PNO1: variants seen among roughly 807,000 people sequenced by gnomAD.
PNO1 encodes RNA-binding protein PNO1.
In PNO1, 16 loss-of-function variants were observed where a neutral mutation model predicts 28.4. That is an observed-to-expected ratio of 0.56 (90% CI 0.38 to 0.85). PNO1 has a LOEUF of 0.85. Ranked by LOEUF, PNO1 falls within the 40% of genes least tolerant of loss-of-function variation. The pLI is 0.00. For synonymous variants in PNO1, 115 were observed against 110.8 expected (o/e 1.04, Z -0.24); for missense variants, 304 against 312.2 (o/e 0.97, Z 0.20).
At chr2:68,158,212 G>T in intron 1 of PNO1, 71 bp downstream of exon 1, 1 of 1,470,304 alleles carries the variant, frequency 6.8e-7, no homozygotes, top group South Asian at 1.3e-5. Flanking sequence ...GGCCTCTGGA[G>T]AATGTTGAAG....
chr2:68,162,908 C>T (rs910617789), intron 5 of PNO1, among the ~76,000 whole-genome samples: 4 of 152,172 alleles, frequency 2.6e-5, no homozygotes, highest in African/African-American at 9.7e-5. Context: ...ACACATTAGC[C>T]TGCAGTTGGG....
At chr2:68,162,005 A>G (rs999536156) in intron 3 of PNO1, among the ~76,000 whole-genome samples, 6 of 152,036 alleles carry the variant, frequency 3.9e-5, no homozygotes, top group African/African-American at 1.4e-4. Flanking sequence ...TGGGTGTGGT[A>G]GTGCATGCCT....
At chr2:68,163,336 A>G (rs1673885514) in intron 5 of PNO1, among the ~76,000 whole-genome samples, 1 of 152,136 alleles carries the variant, frequency 6.6e-6, no homozygotes, top group Admixed American at 6.6e-5. Flanking sequence ...GTTCGAGACC[A>G]GTCTGGCCAA....
intron 5 of PNO1, 87 bp downstream of exon 5, chr2:68,162,750 A>AT: frequency 1.2e-6 from 1 of 850,450 alleles, no homozygotes; most frequent in South Asian, 1.4e-5. Flanking sequence ...TATTTTATGC[A>AT]TAATGTTGCT....
In PNO1 at chr2:68,162,623, A is replaced by G. The variant is rs772178693; in HGVS notation, c.580A>G (p.Ile194Val). The G allele has an allele frequency of 6.8e-6, 11 of 1,613,374 alleles. No homozygotes were observed. The South Asian group carries it at 9.9e-5, about 14-fold the overall frequency. ...CAAAGGAGGAAAAACCAAATTCACC[A>G]TAGAGAATGTGACACGGACAAGGAT... ...AGKGGKTKFT[I>V]ENVTRTRIVL... is the part of the protein sequence containing the mutation. Residue 194 changes from isoleucine (I) to valine (V), a missense_variant, in exon 5 of 7, where the codon ATA (isoleucine) becomes GTA (valine). Transcript: ENST00000263657.
At chr2:68,158,184 G>C (rs752446782) in intron 1 of PNO1, 43 bp downstream of exon 1, 4 of 1,529,404 alleles carry the variant, frequency 2.6e-6, no homozygotes, top group Non-Finnish European at 3.5e-6. Flanking sequence ...GCAAGGGCCA[G>C]ACGCGGATCA....
At chr2:68,167,763 T>C (rs1203460663) in intron 5 of PNO1, among the ~76,000 whole-genome samples, 2 of 152,258 alleles carry the variant, frequency 1.3e-5, no homozygotes, top group African/African-American at 4.8e-5. Context: ...CTGCTTCTCC[T>C]GTTACCCTGA....
At chr2:68,165,362 T>A (rs1296876544) in intron 5 of PNO1, among the ~76,000 whole-genome samples, 3 of 33,872 alleles carry the variant, frequency 8.9e-5, no homozygotes, top group East Asian at 6.1e-4. Context: ...AGACTCCGTC[T>A]CAAAAAAAAA....
At chr2:68,165,808 T>G (rs1350207010) in intron 5 of PNO1, among the ~76,000 whole-genome samples, 1 of 152,252 alleles carries the variant, frequency 6.6e-6, no homozygotes, top group Non-Finnish European at 1.5e-5. Context: ...ATTTACTAGT[T>G]AAACCAACGT....
chr2:68,173,222 G>C (rs1028124384), intron 5 of PNO1, 125 bp from the exon 6 acceptor site: 4 of 640,440 alleles, frequency 6.2e-6, no homozygotes, highest in East Asian at 2.8e-5. Context: ...TCATTATGCT[G>C]TCCAGGCTTG....
At chr2:68,158,299 C>T (rs1673725651) in intron 1 of PNO1, 81 bp from the exon 2 acceptor site, 2 of 1,423,192 alleles carry the variant, frequency 1.4e-6, no homozygotes, top group Non-Finnish European at 1.9e-6. Flanking sequence ...TTAAAGGAGG[C>T]CCTTTGTGGA....
In PNO1 at chr2:68,173,422, T is replaced by C. The variant is rs377719736; in HGVS notation, c.691+5T>C. 7.2e-5 allele frequency: 113 copies of C among 1,560,432 alleles called. No individual in the cohort carries two copies. In the Admixed American group the frequency reaches 1.4e-3, roughly 19 times the overall value. ...CCATTTGCAACCTAATCTTGGGTAA[T>C]AGCAGTTTCTTTCTTTGGTGTTTTC... On this transcript the variant is annotated splice_donor_5th_base_variant and intron_variant, in intron 6 of 6. Coordinates refer to ENST00000263657, the MANE Select transcript of PNO1 (RefSeq NM_020143.4).
chr2:68,174,788 G>A lies in PNO1; in HGVS notation c.745G>A (p.Ala249Thr). Residue 249 changes from alanine to threonine, a missense_variant, in exon 7 of 7, where the codon GCA (alanine) becomes ACA (threonine). Physicochemically the swap from Ala to Thr is moderately conservative, Grantham distance 58. Coordinates refer to ENST00000263657, the MANE Select transcript of PNO1 (RefSeq NM_020143.4). ...GNIRAVASRS[A>T]DRF ...TATTCGAGCTGTGGCTAGCAGATCA[G>A]CAGATCGATTCTGATTTCAAGTCAG... 2 of 1,606,048 alleles carry A rather than the reference G, an allele frequency of 1.2e-6. No homozygotes were observed. Among genetic ancestry groups the A allele is most frequent in the South Asian group, 2.2e-5 (2 of 90,764 alleles).
At chr2:68,167,430 C>A (rs1340496341) in intron 5 of PNO1, among the ~76,000 whole-genome samples, 1 of 152,190 alleles carries the variant, frequency 6.6e-6, no homozygotes, top group East Asian at 1.9e-4. Flanking sequence ...TTGTGCAAGC[C>A]TTCTTGTACA....
At chr2:68,167,042 G>A (rs1674012926) in intron 5 of PNO1, among the ~76,000 whole-genome samples, 1 of 152,164 alleles carries the variant, frequency 6.6e-6, no homozygotes, top group Non-Finnish European at 1.5e-5. Flanking sequence ...TCTCCAGCAG[G>A]AATTTATAGC....
intron 2 of PNO1, 85 bp downstream of exon 2, chr2:68,158,614 G>T: frequency 1.7e-6 from 2 of 1,183,382 alleles, no homozygotes; most frequent in African/African-American, 1.6e-5. Flanking sequence ...TTACTTAATG[G>T]GACTTTTCTG....
At position 68,162,679 on chromosome 2, in the gene PNO1, T is replaced by C. The variant is rs751567768; in HGVS notation, c.620+16T>C. 5 of 1,387,530 alleles carry C rather than the reference T, an allele frequency of 3.6e-6. No individual in the cohort carries two copies. The highest frequency in any genetic ancestry group is 5.1e-6 in the Non-Finnish European group (5 of 974,354). The allele number at this position is 1,387,530 out of a possible 1,614,324, so 86.0% of individuals were successfully genotyped here. On this transcript the variant is annotated intron_variant, in intron 5 of 6. Coordinates refer to ENST00000263657, the MANE Select transcript of PNO1 (RefSeq NM_020143.4). ...TGGCTGATGTGTAAGTATCTGATCT[T>C]GAGAAAATTATTGTCATAATTTATA...
rs867248787 is a variant in PNO1, at chr2:68,159,964, A to T, written c.357+1435A>T. 5.8e-3 allele frequency among the ~76,000 whole-genome samples: 680 copies of T among 116,946 alleles called. 2 individuals are homozygous for T. Among genetic ancestry groups the T allele is most frequent in the Middle Eastern group, 0.023 (5 of 222 alleles). 76.7% of individuals were successfully genotyped at this position (116,946 alleles called of 152,430 possible). On this transcript the variant is annotated intron_variant, in intron 2 of 6. Coordinates refer to ENST00000263657, the MANE Select transcript of PNO1 (RefSeq NM_020143.4). Reference sequence around the variant, plus strand: ...TGGCATCTTCAAAAAACAAAAAAAAATTTTTTTTTTTTTTTTTTTTTTGAG... The same window carrying T: ...TGGCATCTTCAAAAAACAAAAAAAATTTTTTTTTTTTTTTTTTTTTTTGAG...
chr2:68,162,563 G>A lies in PNO1; in HGVS notation c.520G>A (p.Asp174Asn). 6.2e-7 allele frequency: 1 copy of A among 1,612,996 alleles called. No homozygotes were observed. The highest frequency in any genetic ancestry group is 8.5e-7 in the Non-Finnish European group (1 of 1,178,980). ...TTGTTTAGTTAAACCCCTAAAGGGA[G>A]ACCATCTATCCAGGGCAATAGGAAG... ...EITDVKPLKGDHLSRAIGRIA... is the reference protein window; with the variant it reads ...EITDVKPLKGNHLSRAIGRIA... The change falls in exon 5 of 7, where the codon GAC becomes AAC. Residue 174 changes from aspartate to asparagine, a missense_variant. Coordinates refer to ENST00000263657, the MANE Select transcript of PNO1 (RefSeq NM_020143.4).
Sources: allele counts gnomAD v4.1 joint callset (sites outside exome capture counted in the v4.1 genomes callset), GRCh38; gene constraint gnomAD v4.1.1; transcripts MANE v1.5; gene names NCBI Gene and HGNC (gene_info 2026-07-23, HGNC 2026-07-21).